ACBD6: variants seen among roughly 807,000 people sequenced by gnomAD.
ACBD6 encodes the protein acyl-CoA-binding domain-containing protein 6.
Under a neutral mutation model 37.2 loss-of-function variants are expected in ACBD6, and 28 were observed. That is an observed-to-expected ratio of 0.75 (90% confidence interval 0.56 to 1.03). The LOEUF (loss-of-function observed/expected upper bound fraction) is 1.03, where lower values mean the gene tolerates loss of function less well. Ranked by LOEUF, ACBD6 falls within the 50% of genes least tolerant of loss-of-function variation. ACBD6 has a pLI of 0.00. For missense variants in ACBD6, 340 were observed against 337.4 expected, an observed-to-expected ratio of 1.01 and a Z score of -0.06; for synonymous variants, 113 against 126.8, an observed-to-expected ratio of 0.89 and a Z score of 0.73.
rs1041305817 is a variant in ACBD6 at position 180,299,551 on chromosome 1, T to C, written c.695-11034A>G. ...ACTCCATTAATCCTCAGGGTTTTGA[T>C]AATGAATTTCTTTTTTTTTTTATTT... On this transcript the variant is annotated intron_variant, in intron 7 of 7. Transcript: ENST00000367595. Among the ~76,000 whole-genome samples the C allele has an allele frequency of 2.6e-5, 4 of 151,412 alleles. No homozygotes were observed. In the South Asian group the frequency reaches 8.3e-4, roughly 31 times the overall value.
chr1:180,310,899 TTAA>T (rs1277961830), intron 7 of ACBD6, among the ~76,000 whole-genome samples: 1 of 152,206 alleles, frequency 6.6e-6, no homozygotes, highest in African/African-American at 2.4e-5. Flanking sequence ...CATTCCCCAA[TTAA>T]TTATTGTTGG....
chr1:180,312,432 T>C (rs1039281631), intron 7 of ACBD6, among the ~76,000 whole-genome samples: 1 of 152,156 alleles, frequency 6.6e-6, no homozygotes, highest in African/African-American at 2.4e-5. Flanking sequence ...TGCTAAATTG[T>C]ATAGTTTTTA....
chr1:180,355,928 C>T (rs956055208), intron 6 of ACBD6, among the ~76,000 whole-genome samples: 1 of 151,632 alleles, frequency 6.6e-6, no homozygotes, highest in Non-Finnish European at 1.5e-5. Context: ...TGTGCAGTGG[C>T]GTGATCTCGG....
chr1:180,356,029 G>A (rs1176512831), intron 6 of ACBD6, among the ~76,000 whole-genome samples: 7 of 103,504 alleles, frequency 6.8e-5, no homozygotes, highest in Admixed American at 9.6e-5. Context: ...CACCACGCCC[G>A]GCTAATTTTT....
chr1:180,473,894 T>TA lies in ACBD6; in HGVS notation c.384+18374dup, dbSNP rs201146419. Among the ~76,000 whole-genome samples the TA allele has an allele frequency of 7.1e-3, 1,076 of 152,258 alleles. 9 individuals are homozygous for TA. Among genetic ancestry groups the TA allele is most frequent in the African/African-American group, 0.024 (1,005 of 41,564 alleles). On this transcript the variant is annotated intron_variant, in intron 3 of 7. Coordinates refer to ENST00000367595, the MANE Select transcript of ACBD6 (RefSeq NM_032360.4). ...AAAATAAGTTCTGGATTCACTTGAT[T>TA]AAAATATTTCTTATAACCTTTTACT...
In ACBD6 at chr1:180,487,053, G is replaced by C. The variant is rs1289682507; in HGVS notation, c.384+5216C>G. Among the ~76,000 whole-genome samples the C allele has an allele frequency of 3.9e-5, 6 of 152,146 alleles. No homozygotes were observed. The South Asian group carries it at 1.0e-3, about 26-fold the overall frequency. On this transcript the variant is annotated intron_variant, in intron 3 of 7. Transcript: ENST00000367595. The stretch of plus-strand genomic sequence containing the variant: ...AAATGGCTGAGAAACTGCTCCATTA[G>C]AGGAGACTAAAGATACATGACAACT...
chr1:180,312,241 TA>T (rs1263378872), intron 7 of ACBD6, among the ~76,000 whole-genome samples: 1 of 152,230 alleles, frequency 6.6e-6, no homozygotes, highest in East Asian at 1.9e-4. Flanking sequence ...TTAGGTCCTT[TA>T]AAAATGTCTT....
At chr1:180,271,654 G>A in exon 14 of ACBD6, 1 of 1,408,378 alleles carries the variant, frequency 7.1e-7, no homozygotes, top group Non-Finnish European at 1.0e-6. Context: ...CAGGGCTTTT[G>A]CCAGAACTGA....
At chr1:180,273,960 G>A in exon 11 of ACBD6, 1 of 582,168 alleles carries the variant, frequency 1.7e-6, no homozygotes, top group Non-Finnish European at 3.1e-6. Flanking sequence ...ATCCTTCTGG[G>A]ACCTGGGAAT....
At chr1:180,491,807 A>G (rs1651512855) in intron 3 of ACBD6, among the ~76,000 whole-genome samples, 1 of 152,096 alleles carries the variant, frequency 6.6e-6, no homozygotes, top group Non-Finnish European at 1.5e-5. Flanking sequence ...AGTAATTATT[A>G]TTAATTTTTT....
intron 3 of ACBD6, among the ~76,000 whole-genome samples, chr1:180,472,190 A>G (rs906698545): frequency 6.6e-6 from 1 of 152,194 alleles, no homozygotes; most frequent in Non-Finnish European, 1.5e-5. Context: ...CTTTAAGTTA[A>G]GGTATCCTCT....
intron 8 of ACBD6, among the ~76,000 whole-genome samples, chr1:180,282,418 A>C (rs562387050): frequency 1.3e-5 from 2 of 152,174 alleles, no homozygotes; most frequent in Non-Finnish European, 2.9e-5. Flanking sequence ...AGCAAGAGAG[A>C]CCATTAAAAT....
chr1:180,375,110 T>A (rs1653387022), intron 6 of ACBD6, among the ~76,000 whole-genome samples: 1 of 152,108 alleles, frequency 6.6e-6, no homozygotes, highest in Admixed American at 6.5e-5. Context: ...ATTATGAAAC[T>A]TCATATTTCA....
intron 6 of ACBD6, among the ~76,000 whole-genome samples, chr1:180,350,080 C>T (rs1031889617): frequency 2.1e-5 from 3 of 141,174 alleles, no homozygotes; most frequent in African/African-American, 8.1e-5. Context: ...GGCTGGAGTA[C>T]AGTGGTGCGA....
chr1:180,360,601 A>C (rs1285959088), intron 6 of ACBD6, among the ~76,000 whole-genome samples: 1 of 152,212 alleles, frequency 6.6e-6, no homozygotes, highest in African/African-American at 2.4e-5. Flanking sequence ...CTAACATTCG[A>C]GAACCACTGC....
intron 3 of ACBD6, among the ~76,000 whole-genome samples, chr1:180,437,919 T>C (rs774614956): frequency 2.6e-5 from 4 of 152,108 alleles, no homozygotes; most frequent in Admixed American, 6.5e-5. Context: ...AAAGGCCCTA[T>C]GATGAGGGTA....
intron 6 of ACBD6, chr1:180,326,502 A>C (rs2149297706): frequency 6.6e-6 from 1 of 152,600 alleles, no homozygotes; most frequent in South Asian, 2.1e-4. Context: ...GAGCCTAGGC[A>C]TGGAATCAGG....
intron 7 of ACBD6, among the ~76,000 whole-genome samples, chr1:180,302,053 G>A (rs900662127): frequency 1.3e-5 from 2 of 151,580 alleles, no homozygotes; most frequent in Admixed American, 6.6e-5. Context: ...GGGGGAGGGT[G>A]GAGGGATAGC....
At chr1:180,279,852 A>AGTC (rs1464203011) in intron 9 of ACBD6, among the ~76,000 whole-genome samples, 1 of 151,830 alleles carries the variant, frequency 6.6e-6, no homozygotes, top group African/African-American at 2.4e-5. Context: ...AAAAAAAAAA[A>AGTC]GTCATAGCAT....
Sources: gnomAD v4.1 joint callset for allele counts (sites outside exome capture counted in the v4.1 genomes callset) on GRCh38, gnomAD v4.1.1 for gene constraint, MANE v1.5 for transcripts, NCBI Gene and HGNC (gene_info 2026-07-23, HGNC 2026-07-21) for gene names.